Variants in SGCZ observed in about 807,000 individuals in gnomAD.
SGCZ encodes the protein zeta-sarcoglycan.
In SGCZ, 40 loss-of-function variants were observed where a neutral mutation model predicts 41.3. The ratio of observed to expected loss-of-function variants is 0.97; its 90% confidence interval spans 0.75 to 1.26. SGCZ has a LOEUF of 1.26. Among genes scored for constraint, SGCZ ranks in the 50% most tolerant of loss-of-function variants. The pLI is 0.00. For synonymous variants in SGCZ, 206 were observed against 137.5 expected (o/e 1.50, Z -3.49); for missense variants, 552 against 369.8 (o/e 1.49, Z -4.04).
rs1463042543 is a variant in SGCZ, at chr8:14,294,369, T to C, written c.336+29734A>G. On this transcript the variant is annotated intron_variant, in intron 3 of 7. Coordinates refer to ENST00000382080, the MANE Select transcript of SGCZ (RefSeq NM_139167.4). ...AACTTTTTTGTGACCATCTAAGAGTTGGAATTGCAAGGCAAGCAACTACCC... is the reference window on the plus strand; with the variant it reads ...AACTTTTTTGTGACCATCTAAGAGTCGGAATTGCAAGGCAAGCAACTACCC... 3.9e-5 allele frequency among the ~76,000 whole-genome samples: 6 copies of C among 151,914 alleles called. No individual in the cohort carries two copies. In the East Asian group the frequency reaches 5.8e-4, roughly 15 times the overall value.
At position 14,959,316 on chromosome 8, in the gene SGCZ, A is replaced by C. The variant is rs76389633; in HGVS notation, c.39+278269T>G. Among the ~76,000 whole-genome samples the C allele has an allele frequency of 2.3e-3, 349 of 152,212 alleles. 2 individuals carry two copies. Among genetic ancestry groups the C allele is most frequent in the East Asian group, 0.019 (97 of 5,174 alleles). ...ATTCATGATTCCTTTATAACTGATG[A>C]TATGCTTTCTTTGGTTGGTTGGTTG... On this transcript the variant is annotated intron_variant, in intron 1 of 7. Transcript: ENST00000382080.
chr8:15,097,863 T>TATATATATATATATATAC (rs1563124023), intron 1 of SGCZ, among the ~76,000 whole-genome samples: 1,015 of 22,784 alleles, frequency 0.045, 42 homozygotes, highest in East Asian at 0.37. Context: ...TATACGTGTG[T>TATATATATATATATATAC]GTGTATATAT....
intron 2 of SGCZ, among the ~76,000 whole-genome samples, chr8:14,473,937 CA>C (rs11352108): frequency 0.32 from 45,082 of 141,222 alleles, 6,948 homozygotes; most frequent in Admixed American, 0.35. Flanking sequence ...GACCCTGTCT[CA>C]AAAAAAAAAA....
intron 1 of SGCZ, among the ~76,000 whole-genome samples, chr8:14,566,154 T>G (rs547039457): frequency 6.6e-6 from 1 of 152,188 alleles, no homozygotes; most frequent in African/African-American, 2.4e-5. Context: ...CTAAAATAAG[T>G]GTTTAATCAG....
At chr8:14,412,833 G>A (rs1430967602) in intron 2 of SGCZ, among the ~76,000 whole-genome samples, 1 of 151,974 alleles carries the variant, frequency 6.6e-6, no homozygotes, top group Non-Finnish European at 1.5e-5. Flanking sequence ...TGAACTTGAA[G>A]AGTATTTGAC....
chr8:14,921,935 T>G (rs1184337140), intron 1 of SGCZ, among the ~76,000 whole-genome samples: 5 of 152,160 alleles, frequency 3.3e-5, no homozygotes, highest in Non-Finnish European at 5.9e-5. Context: ...CAGTAATCTA[T>G]GAAAACGTGC....
chr8:14,239,674 G>A (rs142760780), intron 3 of SGCZ, among the ~76,000 whole-genome samples: 3,961 of 151,540 alleles, frequency 0.026, 65 homozygotes, highest in Middle Eastern at 0.051. Context: ...AGGCCGAGGC[G>A]GGCGGATCAC....
chr8:14,161,773 T>C (rs1033066080), intron 5 of SGCZ, among the ~76,000 whole-genome samples: 2 of 152,098 alleles, frequency 1.3e-5, no homozygotes, highest in African/African-American at 2.4e-5. Flanking sequence ...AAAGAATAAA[T>C]GCAATACTAT....
At chr8:14,511,536 A>G (rs78991522) in intron 2 of SGCZ, among the ~76,000 whole-genome samples, 3,794 of 152,100 alleles carry the variant, frequency 0.025, 114 homozygotes, top group African/African-American at 0.069. Flanking sequence ...GAAGATTCCA[A>G]TGGAAGGATA....
chr8:14,669,011 G>T (rs1168089865), intron 1 of SGCZ, among the ~76,000 whole-genome samples: 3 of 151,784 alleles, frequency 2.0e-5, no homozygotes, highest in Non-Finnish European at 4.4e-5. Context: ...ATAAAATATT[G>T]TTAACTAGAG....
intron 3 of SGCZ, among the ~76,000 whole-genome samples, chr8:14,253,907 T>C (rs1248610523): frequency 6.8e-6 from 1 of 146,026 alleles, no homozygotes; most frequent in East Asian, 2.0e-4. Flanking sequence ...CTTTTTTACA[T>C]GTAAAAAATT....
chr8:14,261,957 C>T (rs759345148), intron 3 of SGCZ, among the ~76,000 whole-genome samples: 4 of 152,062 alleles, frequency 2.6e-5, no homozygotes, highest in East Asian at 3.9e-4. Flanking sequence ...TTTACTCACA[C>T]GAGTTGAAAG....
intron 2 of SGCZ, among the ~76,000 whole-genome samples, chr8:14,368,386 A>G (rs1015672918): frequency 4.6e-5 from 7 of 152,070 alleles, no homozygotes; most frequent in Non-Finnish European, 8.8e-5. Context: ...GGAAAATGGC[A>G]TACATTATCC....
At chr8:14,552,150 G>C (rs1474178640) in intron 2 of SGCZ, among the ~76,000 whole-genome samples, 1 of 151,912 alleles carries the variant, frequency 6.6e-6, no homozygotes, top group Non-Finnish European at 1.5e-5. Context: ...GATATGAAAA[G>C]GAACATAATG....
chr8:14,915,269 A>G (rs1799398092), intron 1 of SGCZ, among the ~76,000 whole-genome samples: 1 of 152,182 alleles, frequency 6.6e-6, no homozygotes, highest in Non-Finnish European at 1.5e-5. Context: ...ATATGCTGTT[A>G]TGGTAATTCA....
intron 1 of SGCZ, among the ~76,000 whole-genome samples, chr8:15,082,721 G>C (rs1805800741): frequency 6.6e-6 from 1 of 152,154 alleles, no homozygotes; most frequent in South Asian, 2.1e-4. Flanking sequence ...TTGTTACTTT[G>C]AGGTTGTTTT....
chr8:14,723,651 A>C (rs897792323), intron 1 of SGCZ, among the ~76,000 whole-genome samples: 1 of 151,536 alleles, frequency 6.6e-6, no homozygotes, highest in African/African-American at 2.4e-5. Flanking sequence ...CATAGAACAC[A>C]TGAAATTTAT....
At chr8:14,437,164 TA>T (rs1800117042) in intron 2 of SGCZ, among the ~76,000 whole-genome samples, 1 of 152,196 alleles carries the variant, frequency 6.6e-6, no homozygotes, top group Non-Finnish European at 1.5e-5. Context: ...ACAAAATTTT[TA>T]AAATTTCCAG....
intron 2 of SGCZ, among the ~76,000 whole-genome samples, chr8:14,435,468 C>A (rs930011479): frequency 1.1e-4 from 17 of 152,060 alleles, no homozygotes; most frequent in African/African-American, 2.9e-4. Context: ...TTTTTTCACT[C>A]CTGTTTGTTC....
Sources: allele counts gnomAD v4.1 joint callset (sites outside exome capture counted in the v4.1 genomes callset), GRCh38; gene constraint gnomAD v4.1.1; transcripts MANE v1.5; gene names NCBI Gene and HGNC (gene_info 2026-07-23, HGNC 2026-07-21).